Variants in PTN observed in about 807,000 individuals in gnomAD.
PTN encodes the protein heparin affin regulatory protein.
A neutral mutation model predicts 24.1 loss-of-function variants in PTN; 18 were observed. The observed-to-expected ratio is 0.75, with a 90% CI of 0.52 to 1.11. The LOEUF (loss-of-function observed/expected upper bound fraction) is 1.11, where lower values mean the gene tolerates loss of function less well. PTN is among the 50% of genes least tolerant of loss of function. PTN has a pLI of 0.00. For missense variants in PTN, 163 were observed against 198.8 expected (o/e 0.82, Z 1.08); for synonymous variants, 78 against 68.6 (o/e 1.14, Z -0.67).
intron 1 of PTN, among the ~76,000 whole-genome samples, chr7:137,301,914 A>G (rs1206622900): frequency 1.3e-5 from 2 of 151,992 alleles, no homozygotes; most frequent in Non-Finnish European, 2.9e-5. Flanking sequence ...AATTCAGGAT[A>G]GTAATTAAAA....
chr7:137,333,521 A>C (rs965460891), intron 1 of PTN, among the ~76,000 whole-genome samples: 5 of 152,190 alleles, frequency 3.3e-5, no homozygotes, highest in African/African-American at 1.2e-4. Flanking sequence ...GGAAGTCACA[A>C]AGATGGATGA....
In PTN at chr7:137,309,976, C is replaced by T. The variant is rs149904624; in HGVS notation, c.-2+33463G>A. On this transcript the variant is annotated intron_variant, in intron 1 of 4. Coordinates refer to ENST00000348225, the MANE Select transcript of PTN (RefSeq NM_002825.7). ...TCCAGAAGGTTTTAAATTTGCTTTG[C>T]TCAGATCCATCAGAGGAATCACCAT... 1.8e-3 allele frequency among the ~76,000 whole-genome samples: 278 copies of T among 152,286 alleles called. 6 individuals are homozygous for T. In the East Asian group the frequency reaches 0.026, roughly 14 times the overall value.
chr7:137,279,619 A>C (rs1271960268), intron 1 of PTN, among the ~76,000 whole-genome samples: 1 of 152,352 alleles, frequency 6.6e-6, no homozygotes, highest in Middle Eastern at 3.4e-3. Context: ...AGCATCCATG[A>C]GAAAAATTGG....
At chr7:137,295,734 G>A (rs962754959) in intron 1 of PTN, among the ~76,000 whole-genome samples, 2 of 151,144 alleles carry the variant, frequency 1.3e-5, no homozygotes, top group East Asian at 1.9e-4. Flanking sequence ...TTAAGATTAC[G>A]TATGTGGCTC....
intron 4 of PTN, among the ~76,000 whole-genome samples, chr7:137,248,163 T>G (rs1415629963): frequency 1.3e-5 from 2 of 152,232 alleles, no homozygotes; most frequent in African/African-American, 2.4e-5. Context: ...TAGTAGAATG[T>G]AAGCTATCTT....
At chr7:137,336,505 G>A (rs1184025357) in intron 1 of PTN, among the ~76,000 whole-genome samples, 1 of 152,178 alleles carries the variant, frequency 6.6e-6, no homozygotes, top group Non-Finnish European at 1.5e-5. Context: ...TAAGGTCAAA[G>A]AGTCTGCATC....
At chr7:137,287,447 T>C (rs995147725) in intron 1 of PTN, among the ~76,000 whole-genome samples, 1 of 148,632 alleles carries the variant, frequency 6.7e-6, no homozygotes, top group African/African-American at 2.4e-5. Flanking sequence ...TAAGACAAAA[T>C]ATGCATTTTT....
intron 1 of PTN, among the ~76,000 whole-genome samples, chr7:137,255,406 T>C (rs1179028335): frequency 2.6e-5 from 4 of 152,304 alleles, no homozygotes; most frequent in South Asian, 2.1e-4. Context: ...CAAGACCAAT[T>C]TGAGTAGACA....
intron 1 of PTN, chr7:137,326,323 C>G (rs184896945): frequency 1.3e-5 from 2 of 152,228 alleles, no homozygotes; most frequent in African/African-American, 4.8e-5. Context: ...TACATTTCCC[C>G]TTTCTATCAA....
chr7:137,239,374 TTTTA>T (rs60204827), intron 4 of PTN, among the ~76,000 whole-genome samples: 21,452 of 147,700 alleles, frequency 0.15, 1,837 homozygotes, highest in African/African-American at 0.22. Flanking sequence ...TAATTTTCTT[TTTTA>T]TTTATTTATT....
chr7:137,342,418 C>T lies in PTN; in HGVS notation c.-2+1021G>A, dbSNP rs146262035. Among the ~76,000 whole-genome samples the T allele has an allele frequency of 2.0e-5, 3 of 152,234 alleles. No homozygotes were observed. The East Asian group carries it at 5.8e-4, about 29-fold the overall frequency. On this transcript the variant is annotated intron_variant, in intron 1 of 4. Coordinates refer to ENST00000348225, the MANE Select transcript of PTN (RefSeq NM_002825.7). ...GCTTTAATATTTTCTCCTCTTAGCA[C>T]CCCTACCCCTCCTATTTTCTGAATG... is the stretch of plus-strand genomic sequence containing the variant.
At chr7:137,234,325 G>A (rs544826725) in intron 4 of PTN, among the ~76,000 whole-genome samples, 1 of 151,952 alleles carries the variant, frequency 6.6e-6, no homozygotes, top group African/African-American at 2.4e-5. Flanking sequence ...CTTAAATTTT[G>A]CCTTAGTATA....
At chr7:137,335,558 G>A (rs1437912205) in intron 1 of PTN, among the ~76,000 whole-genome samples, 1 of 152,138 alleles carries the variant, frequency 6.6e-6, no homozygotes, top group Non-Finnish European at 1.5e-5. Flanking sequence ...TTTGTCTCCT[G>A]TTCCCTCAAG....
intron 1 of PTN, among the ~76,000 whole-genome samples, chr7:137,319,352 T>C (rs1810125653): frequency 6.6e-6 from 1 of 152,308 alleles, no homozygotes; most frequent in Admixed American, 6.5e-5. Context: ...AGGGTAACCT[T>C]TTACTTTCTT....
chr7:137,284,788 T>C (rs183726283), intron 1 of PTN, among the ~76,000 whole-genome samples: 1 of 152,242 alleles, frequency 6.6e-6, no homozygotes, highest in East Asian at 1.9e-4. Context: ...AAAGACTTAA[T>C]AATTAGAATA....
At chr7:137,239,646 C>T (rs979125875) in intron 4 of PTN, among the ~76,000 whole-genome samples, 17 of 151,608 alleles carry the variant, frequency 1.1e-4, no homozygotes, top group African/African-American at 3.6e-4. Flanking sequence ...TGAGAATATG[C>T]GGTGTTTGGT....
chr7:137,305,159 A>G (rs1809868068), intron 1 of PTN, among the ~76,000 whole-genome samples: 5 of 152,072 alleles, frequency 3.3e-5, no homozygotes, highest in African/African-American at 9.7e-5. Context: ...AGCGATTAAA[A>G]TATAAAAATC....
At chr7:137,250,864 T>C (rs893416677) in intron 4 of PTN, among the ~76,000 whole-genome samples, 4 of 152,240 alleles carry the variant, frequency 2.6e-5, no homozygotes, top group African/African-American at 7.2e-5. Flanking sequence ...AGAAGTTTGA[T>C]TTAAAATTGT....
intron 1 of PTN, among the ~76,000 whole-genome samples, chr7:137,265,933 A>G (rs546640350): frequency 9.2e-5 from 14 of 152,330 alleles, no homozygotes; most frequent in African/African-American, 3.1e-4. Flanking sequence ...AAGAAAGCCA[A>G]ATACCATTTT....
Sources: gnomAD v4.1 joint callset for allele counts (sites outside exome capture counted in the v4.1 genomes callset) on GRCh38, gnomAD v4.1.1 for gene constraint, MANE v1.5 for transcripts, NCBI Gene and HGNC (gene_info 2026-07-23, HGNC 2026-07-21) for gene names.